The following AMZ1 variants were observed in gnomAD, a reference collection of about 807,000 sequenced individuals.
The protein encoded by AMZ1 is archaemetzincin-1.
Under a neutral mutation model 29.9 loss-of-function variants are expected in AMZ1, and 39 were observed. The observed-to-expected ratio is 1.30, with a 90% CI of 1.01 to 1.70. The LOEUF (loss-of-function observed/expected upper bound fraction) is 1.70, where lower values mean the gene tolerates loss of function less well. Ranked by LOEUF, AMZ1 falls within the 40% of genes most tolerant of loss-of-function variation. The pLI is 0.00. For synonymous variants in AMZ1, 458 were observed against 304.0 expected, an observed-to-expected ratio of 1.51 and a Z score of -5.27; for missense variants, 1,041 against 680.6, an observed-to-expected ratio of 1.53 and a Z score of -5.89.
chr7:2,708,475 G>T, intron 3 of AMZ1, 113 bp from the exon 4 acceptor site: 1 of 1,499,350 alleles, frequency 6.7e-7, no homozygotes, highest in Non-Finnish European at 8.9e-7. Flanking sequence ...CACCTGACTT[G>T]GGAAGGGGCA....
At chr7:2,722,794 G>A (rs1789476761), downstream of AMZ1, among the ~76,000 whole-genome samples, 1 of 152,044 alleles carries the variant, frequency 6.6e-6, no homozygotes, top group African/African-American at 2.4e-5. Context: ...GCAACACAGT[G>A]AGACTCCATC....
intron 4 of AMZ1, among the ~76,000 whole-genome samples, chr7:2,756,106 G>T (rs1473223970): frequency 6.6e-6 from 1 of 152,166 alleles, no homozygotes; most frequent in Non-Finnish European, 1.5e-5. Flanking sequence ...AAGTAATATG[G>T]ATCAACCGAA....
At chr7:2,682,411 C>T (rs1003994304) in intron 1 of AMZ1, among the ~76,000 whole-genome samples, 6 of 152,180 alleles carry the variant, frequency 3.9e-5, no homozygotes, top group African/African-American at 9.7e-5. Context: ...CAGGCCGATG[C>T]GAGGGTCCTT....
chr7:2,752,320 A>G (rs1791081218), intron 4 of AMZ1, among the ~76,000 whole-genome samples: 2 of 152,336 alleles, frequency 1.3e-5, no homozygotes, highest in South Asian at 4.1e-4. Flanking sequence ...TATGAAAACC[A>G]TGCAACTAAC....
intron 6 of AMZ1, among the ~76,000 whole-genome samples, chr7:2,710,600 T>C (rs4721980): frequency 0.82 from 125,044 of 152,168 alleles, 51,648 homozygotes; most frequent in African/African-American, 0.91. Flanking sequence ...TGAGGAGCTG[T>C]ATCTTGCAGG....
At chr7:2,745,107 C>G (rs963377278) in intron 4 of AMZ1, among the ~76,000 whole-genome samples, 1 of 152,170 alleles carries the variant, frequency 6.6e-6, no homozygotes, top group Non-Finnish European at 1.5e-5. Flanking sequence ...AGGATATTAT[C>G]CAGGAAAACT....
rs761431151 is a variant in AMZ1 at position 2,712,778 on chromosome 7, T to G, written c.1397T>G (p.Val466Gly). The change falls in exon 7 of 7, where the codon GTG becomes GGG. Residue 466 changes from valine to glycine, a missense_variant. Transcript: ENST00000683327. ...AGGGACAGCGTGGGGCTGCGCAAGG[T>G]GCTGGGGGACAAGTTCTCCTCCCTG... is the stretch of plus-strand genomic sequence containing the variant. ...SSRDSVGLRK[V>G]LGDKFSSLRR... The G allele has an allele frequency of 6.3e-7, 1 of 1,577,090 alleles. No individual in the cohort carries two copies. Among genetic ancestry groups the G allele is most frequent in the Non-Finnish European group, 8.6e-7 (1 of 1,158,998 alleles).
intron 4 of AMZ1, among the ~76,000 whole-genome samples, chr7:2,747,863 C>T (rs1305229139): frequency 1.3e-5 from 2 of 152,120 alleles, no homozygotes; most frequent in Non-Finnish European, 2.9e-5. Context: ...TTCTTATACA[C>T]CAATAACAGA....
Position 2,716,941 on chromosome 7 carries a change from G to A in AMZ1, c.*4063G>A, listed in dbSNP as rs142365375. On this transcript the variant is annotated 3_prime_UTR_variant, in exon 7 of 7. Transcript: ENST00000683327. ...GTTGAGGCGCAGTCTGTTCTTGCTT[G>A]AACCCCGAGTTCTCCCGCTGTTGTG... 4.8e-3 allele frequency among the ~76,000 whole-genome samples: 737 copies of A among 152,318 alleles called. 1 individual carries two copies. Among genetic ancestry groups the A allele is most frequent in the Non-Finnish European group, 8.1e-3 (554 of 68,028 alleles).
intron 4 of AMZ1, chr7:2,733,302 GTGCCATTAC>G: frequency 1.5e-6 from 1 of 677,364 alleles, no homozygotes; most frequent in Non-Finnish European, 2.7e-6. Context: ...AAGTGAGAGC[GTGCCATTAC>G]AGTACTATTC....
chr7:2,757,095 G>T (rs1272561515), intron 4 of AMZ1, among the ~76,000 whole-genome samples: 1 of 149,796 alleles, frequency 6.7e-6, no homozygotes, highest in East Asian at 2.0e-4. Context: ...AAAAAAGGAG[G>T]TGACCTTGGC....
At chr7:2,683,049 C>T (rs868313801) in intron 1 of AMZ1, among the ~76,000 whole-genome samples, 51 of 152,330 alleles carry the variant, frequency 3.3e-4, no homozygotes, top group Admixed American at 8.5e-4. Context: ...TTCTGTGGCT[C>T]GAGTTTGCTG....
chr7:2,683,948 C>T (rs1037204264), upstream of AMZ1, among the ~76,000 whole-genome samples: 3 of 151,742 alleles, frequency 2.0e-5, no homozygotes, highest in Non-Finnish European at 2.9e-5. Context: ...GAGGCCGAGG[C>T]GGGTGGATCA....
In AMZ1 at chr7:2,735,062, T is replaced by C. The variant is rs1183298784; in HGVS notation, n.550+25246T>C. ...CCCCCGGTCCTCTGCACATCATGCC[T>C]CCTTCCACACCCTGACAGGAAGCAG... On this transcript the variant is annotated intron_variant and non_coding_transcript_variant, in intron 4 of 4. Transcript: ENST00000489665. Among the ~76,000 whole-genome samples the C allele has an allele frequency of 2.0e-5, 3 of 152,278 alleles. 1 individual carries two copies. The East Asian group carries it at 5.8e-4, about 29-fold the overall frequency.
chr7:2,746,896 C>T (rs1452633773), intron 4 of AMZ1, among the ~76,000 whole-genome samples: 9 of 152,078 alleles, frequency 5.9e-5, no homozygotes, highest in Middle Eastern at 3.2e-3. Context: ...AACACCTCTA[C>T]GCAAATAAAC....
Position 2,717,397 on chromosome 7 carries a change from TGA to T in AMZ1, c.*4524_*4525del, listed in dbSNP as rs888159673. Among the ~76,000 whole-genome samples the T allele has an allele frequency of 4.6e-5, 7 of 151,942 alleles. No individual in the cohort carries two copies. The highest frequency in any genetic ancestry group is 2.1e-4 in the South Asian group (1 of 4,808). ...GCTGGCTTTGCAGCTCCAGTAAGAG[TGA>T]GAGACTCACGGGGGCCTGGCTGCCG... On this transcript the variant is annotated 3_prime_UTR_variant, in exon 7 of 7. Coordinates refer to ENST00000683327, the MANE Select transcript of AMZ1 (RefSeq NM_001384743.1).
In AMZ1 at chr7:2,697,341, G is replaced by C. The variant is rs184519214; in HGVS notation, c.-218-2893G>C. The stretch of plus-strand genomic sequence containing the variant: ...CGAACTCCTGACCTCGGGTGATCCA[G>C]CAGCCTCGGCCTCCCAAAGTGCTGG... On this transcript the variant is annotated intron_variant, in intron 1 of 6. Transcript: ENST00000683327. Among the ~76,000 whole-genome samples the C allele has an allele frequency of 2.1e-3, 315 of 152,162 alleles. 1 individual carries two copies. The highest frequency in any genetic ancestry group is 7.1e-3 in the African/African-American group (296 of 41,518).
At chr7:2,704,741 C>T (rs914806681) in intron 3 of AMZ1, among the ~76,000 whole-genome samples, 3 of 151,960 alleles carry the variant, frequency 2.0e-5, no homozygotes, top group South Asian at 4.2e-4. Flanking sequence ...GGCCTACAGG[C>T]GCCCAGTACT....
chr7:2,688,707 C>T (rs542293562), intron 1 of AMZ1, among the ~76,000 whole-genome samples: 1 of 152,284 alleles, frequency 6.6e-6, no homozygotes, highest in South Asian at 2.1e-4. Context: ...TGCGGGACGT[C>T]CCCGGGGAAC....
Sources: allele counts gnomAD v4.1 joint callset (sites outside exome capture counted in the v4.1 genomes callset), GRCh38; gene constraint gnomAD v4.1.1; transcripts MANE v1.5; gene names NCBI Gene and HGNC (gene_info 2026-07-23, HGNC 2026-07-21).